ITGA3: variants seen among roughly 807,000 people sequenced by gnomAD.
ITGA3 encodes integrin subunit alpha 3.
In ITGA3, 70 loss-of-function variants were observed where a neutral mutation model predicts 131.1. That is an observed-to-expected ratio of 0.53 (90% CI 0.44 to 0.65). The LOEUF (loss-of-function observed/expected upper bound fraction) is 0.65. Among genes scored for constraint, ITGA3 ranks in the 30% least tolerant of loss-of-function variants. The probability of loss-of-function intolerance (pLI) is 0.00; values close to 1 mark genes in which losing one functional copy is unlikely to be tolerated. For missense variants in ITGA3, 1,098 were observed against 1,388.6 expected, an observed-to-expected ratio of 0.79 and a Z score of 3.33; for synonymous variants, 537 against 571.6, an observed-to-expected ratio of 0.94 and a Z score of 0.86.
intron 6 of ITGA3, 46 bp downstream of exon 6, chr17:50,071,564 G>A (rs375561420): frequency 2.2e-5 from 34 of 1,519,100 alleles, no homozygotes; most frequent in East Asian, 9.4e-5. Flanking sequence ...AGCGATGGGC[G>A]GGGGAAGGCT....
In ITGA3 at chr17:50,078,879, A is replaced by C; in HGVS notation, c.2353A>C (p.Met785Leu). Residue 785 changes from methionine to leucine, a missense_variant, in exon 19 of 26, where the codon ATG becomes CTG. Transcript: ENST00000320031. ...GGGGACAGTGATGGGTGAGTCTGGC[A>C]TGAAAACTGTGGAGGATGTAGGAAG... ...FGGTVMGESGMKTVEDVGSPL... is the reference protein window; with the variant it reads ...FGGTVMGESGLKTVEDVGSPL... The C allele has an allele frequency of 6.2e-7, 1 of 1,613,706 alleles. No individual in the cohort carries two copies. The highest frequency in any genetic ancestry group is 8.5e-7 in the Non-Finnish European group (1 of 1,179,612).
At position 50,076,572 on chromosome 17, in the gene ITGA3, G is replaced by A. The variant is rs766992792; in HGVS notation, c.1825-12G>A. On this transcript the variant is annotated splice_polypyrimidine_tract_variant and intron_variant, in intron 13 of 25. Transcript: ENST00000320031. ...GGGTGGTGCGGCCTTCACACCTCCG[G>A]CCACCCCCCAGGTCCAGTTCCAGAA... 2 of 1,612,090 alleles carry A rather than the reference G, an allele frequency of 1.2e-6. No individual in the cohort carries two copies. The highest frequency in any genetic ancestry group is 1.7e-6 in the Non-Finnish European group (2 of 1,179,590).
At chr17:50,076,930 C>T in intron 14 of ITGA3, 44 bp from the exon 15 acceptor site, 1 of 1,575,294 alleles carries the variant, frequency 6.3e-7, no homozygotes, top group Non-Finnish European at 8.6e-7. Flanking sequence ...CGGGAGTGCC[C>T]TGGGGGCGGG....
At position 50,079,524 on chromosome 17, in the gene ITGA3, T is replaced by G. The variant is rs1274789548; in HGVS notation, c.2673T>G (p.Ala891=). 6.4e-7 allele frequency: 1 copy of G among 1,564,704 alleles called. No individual in the cohort carries two copies. The highest frequency in any genetic ancestry group is 8.6e-7 in the Non-Finnish European group (1 of 1,157,630). Residue 891 remains alanine, a synonymous_variant, in exon 21 of 26, where the codon GCT becomes GCG. Transcript: ENST00000320031. ...AGGGCCCCCCACCTGTCACTCTGGC[T>G]GCTGCCAAAAAAGCCAAGTCTGAGA... ...GGQGPPPVTL[A]AAKKAKSETV...
chr17:50,076,846 A>G, intron 14 of ITGA3, 128 bp from the exon 15 acceptor site: 4 of 1,200,610 alleles, frequency 3.3e-6, no homozygotes, highest in Non-Finnish European at 4.8e-6. Context: ...AGGTGCGACT[A>G]GAGGACGGGG....
chr17:50,056,707 C>T lies in ITGA3; in HGVS notation c.206+62C>T. On this transcript the variant is annotated intron_variant, in intron 1 of 25. Transcript: ENST00000320031. The surrounding 1 kb of genome is among the most constrained non-coding windows in gnomAD (Gnocchi z 5.6). ...GAGTGTGCGAGCGCGGGATGCGGGT[C>T]CGGAGCTGAGTCGGAGCCCAGGGCA... 1 of 1,506,526 alleles carries T rather than the reference C, an allele frequency of 6.6e-7. No homozygotes were observed. Among genetic ancestry groups the T allele is most frequent in the South Asian group, 1.2e-5 (1 of 80,162 alleles). The allele number at this position is 1,506,526 out of a possible 1,614,324, so 93.3% of individuals were successfully genotyped here.
chr17:50,080,128 G>C (rs760687455), intron 21 of ITGA3, 134 bp from the exon 22 acceptor site: 25 of 578,620 alleles, frequency 4.3e-5, no homozygotes, highest in Non-Finnish European at 7.1e-5. Flanking sequence ...GTGTGCATGA[G>C]TGAAAGGAAG....
intron 12 of ITGA3, 119 bp downstream of exon 12, chr17:50,075,854 C>T (rs760127765): frequency 1.1e-4 from 112 of 1,041,604 alleles, no homozygotes; most frequent in Non-Finnish European, 1.4e-4. Flanking sequence ...TTGGGGACAT[C>T]GGTTTGGAAG....
chr17:50,070,644 CAAAAAAA>C (rs59600840), intron 4 of ITGA3, among the ~76,000 whole-genome samples, 193 bp from the exon 5 acceptor site: 10 of 69,468 alleles, frequency 1.4e-4, no homozygotes, highest in East Asian at 1.4e-3. Context: ...AAGACTGTCT[CAAAAAAA>C]AAAAAAAAAA....
Position 50,064,141 on chromosome 17 carries a change from G to A in ITGA3, c.271G>A (p.Val91Met), listed in dbSNP as rs972830593. ...PDGYTNRTGA[V>M]YLCPLTAHKD... is the part of the protein sequence containing the mutation. ...TGGCTACACCAACCGGACTGGTGCT[G>A]TGTACCTGTGCCCACTCACTGCCCA... Residue 91 changes from valine (V) to methionine (M), a missense_variant, in exon 2 of 26, where the codon GTG becomes ATG. This residue lies in a region of ITGA3 where 356 missense variants were observed against 529.2 expected (regional missense o/e 0.67). Coordinates refer to ENST00000320031, the MANE Select transcript of ITGA3 (RefSeq NM_002204.4). This position sits in a 1 kb window ranked among gnomAD's most constrained non-coding sequence, Gnocchi z 4.4. The A allele has an allele frequency of 3.1e-6, 5 of 1,612,126 alleles. No individual in the cohort carries two copies. In the South Asian group the frequency reaches 4.4e-5, roughly 14 times the overall value.
At chr17:50,074,567 A>T (rs1908794146) in intron 10 of ITGA3, 33 bp downstream of exon 10, 2 of 1,480,136 alleles carry the variant, frequency 1.4e-6, no homozygotes, top group Non-Finnish European at 1.9e-6. Flanking sequence ...CTCCTCATTT[A>T]TTTATAGGGA....
In ITGA3 at chr17:50,088,476, CCCA is replaced by C. The variant is rs1436336744; in HGVS notation, c.*31+119_*31+121del. The stretch of plus-strand genomic sequence containing the variant: ...GGGCCTGCTCTGACCTCATTCTGTC[CCCA>C]CCACCACCCCAAAGATCAGGTCACT... On this transcript the variant is annotated intron_variant, in intron 25 of 25. Coordinates refer to ENST00000320031, the MANE Select transcript of ITGA3 (RefSeq NM_002204.4). 16 of 607,008 alleles carry C rather than the reference CCCA, an allele frequency of 2.6e-5. No homozygotes were observed. The African/African-American group carries it at 2.8e-4, about 11-fold the overall frequency. 37.6% of individuals were successfully genotyped at this position (607,008 alleles called of 1,614,324 possible).
In ITGA3 at chr17:50,079,117, G is replaced by C. The variant is rs2144303947; in HGVS notation, c.2442G>C (p.Leu814=). 1 of 1,613,868 alleles carries C rather than the reference G, an allele frequency of 6.2e-7. No individual in the cohort carries two copies. Among genetic ancestry groups the C allele is most frequent in the Non-Finnish European group, 8.5e-7 (1 of 1,179,962 alleles). The part of the protein sequence containing the change: ...MGEGLVGLGT[L]VLGLEWPYEV... ...AGGGGCTGGTGGGCCTGGGGACCCT[G>C]GTCCTAGGTCTGGAGTGGCCCTACG... is the stretch of plus-strand genomic sequence containing the variant. Residue 814 remains leucine, a synonymous_variant, in exon 20 of 26, where the codon CTG becomes CTC. Transcript: ENST00000320031.
At chr17:50,086,005 A>G (rs796763925) in intron 23 of ITGA3, among the ~76,000 whole-genome samples, 1 of 11,638 alleles carries the variant, frequency 8.6e-5, no homozygotes, top group Admixed American at 1.2e-3. Context: ...GATTATACAT[A>G]TTATAGATTT....
chr17:50,064,377 G>C lies in ITGA3; in HGVS notation c.335-151G>C. ...AGTGGGGCTGGATGGGATTGGTAGA[G>C]CTCAGAATAATGACGAGCTGGAGAA... On this transcript the variant is annotated intron_variant, in intron 2 of 25. Transcript: ENST00000320031. The surrounding 1 kb of genome is among the most constrained non-coding windows in gnomAD (Gnocchi z 4.4). 8.8e-7 allele frequency: 1 copy of C among 1,132,348 alleles called. No individual in the cohort carries two copies. 70.1% of individuals were successfully genotyped at this position (1,132,348 alleles called of 1,614,324 possible). A position where few individuals can be genotyped will look rare whatever the true frequency, so the allele number is the denominator to read the frequency against.
At chr17:50,085,475 G>C (rs1300763960) in intron 23 of ITGA3, among the ~76,000 whole-genome samples, 1 of 151,720 alleles carries the variant, frequency 6.6e-6, no homozygotes, top group Non-Finnish European at 1.5e-5. Flanking sequence ...GACCAGCCTG[G>C]CCAACATGGT....
intron 3 of ITGA3, among the ~76,000 whole-genome samples, chr17:50,067,494 G>A (rs1034734077): frequency 2.0e-5 from 3 of 152,088 alleles, no homozygotes; most frequent in African/African-American, 7.2e-5. Flanking sequence ...GCAGGTTACT[G>A]AGCTCTCCAT....
Position 50,056,340 on chromosome 17 carries a change from C to T in ITGA3, c.-100C>T, listed in dbSNP as rs1907805217. 23 of 831,046 alleles carry T rather than the reference C, an allele frequency of 2.8e-5. No homozygotes were observed. The highest frequency in any genetic ancestry group is 3.6e-5 in the Non-Finnish European group (21 of 577,132). 51.5% of individuals were successfully genotyped at this position (831,046 alleles called of 1,614,324 possible). On this transcript the variant is annotated 5_prime_UTR_variant, in exon 1 of 26. Transcript: ENST00000320031. This position sits in a 1 kb window ranked among gnomAD's most constrained non-coding sequence, Gnocchi z 5.6. Reference sequence around the variant, plus strand: ...TACGGAGCGCAGCGGCCGGCGGGTTCCAGTGTCCTCCGGCGGCGCGGGGAG... The same window carrying T: ...TACGGAGCGCAGCGGCCGGCGGGTTTCAGTGTCCTCCGGCGGCGCGGGGAG...
intron 1 of ITGA3, among the ~76,000 whole-genome samples, chr17:50,062,258 T>A (rs1466549312): frequency 1.3e-5 from 2 of 152,100 alleles, no homozygotes; most frequent in Non-Finnish European, 2.9e-5. Context: ...ATTTTACAGA[T>A]GGGGCACTCA....
Sources: gnomAD v4.1 joint callset for allele counts (sites outside exome capture counted in the v4.1 genomes callset) on GRCh38, gnomAD v4.1.1 for gene constraint, gnomAD v4.1.1 regional missense constraint, Gnocchi (gnomAD v3.1) non-coding constraint, MANE v1.5 for transcripts, NCBI Gene and HGNC (gene_info 2026-07-23, HGNC 2026-07-21) for gene names.